The following GLYATL1 variants were observed in gnomAD, a reference collection of about 807,000 sequenced individuals.
GLYATL1 encodes the protein glycine N-acyltransferase-like protein 1.
A neutral mutation model predicts 20.0 loss-of-function variants in GLYATL1; 15 were observed. The observed-to-expected ratio is 0.75, with a 90% confidence interval of 0.50 to 1.15. GLYATL1 has a LOEUF of 1.15. Among genes scored for constraint, GLYATL1 ranks in the 50% most tolerant of loss-of-function variants. The pLI, the probability that GLYATL1 is intolerant of heterozygous loss-of-function variation, is 0.00. For missense variants in GLYATL1, 380 were observed against 368.5 expected (o/e 1.03, Z -0.26); for synonymous variants, 151 against 131.5 (o/e 1.15, Z -1.01).
chr11:58,955,754 C>A lies in GLYATL1; in HGVS notation c.636C>A (p.Gly212=), dbSNP rs149810751. 2.2e-4 allele frequency: 355 copies of A among 1,614,048 alleles called. No individual in the cohort carries two copies. Among genetic ancestry groups the A allele is most frequent in the Non-Finnish European group, 2.9e-4 (345 of 1,180,046 alleles). ...ACCTGCCAGCAGCCTGTATGCTCGG[C>A]CCAGAGGGAGTCCCGGTCTCATGGG... ...IEDLPAACML[G]PEGVPVSWVT... Residue 212 remains glycine, a synonymous_variant, in exon 7 of 7, where the codon GGC becomes GGA. Transcript: ENST00000532726.
At chr11:58,943,493 T>C in intron 1 of GLYATL1, 50 bp from the exon 2 acceptor site, 1 of 1,551,146 alleles carries the variant, frequency 6.4e-7, no homozygotes, top group South Asian at 1.2e-5. Flanking sequence ...TGTTTGTTGC[T>C]TAATGAAACT....
chr11:58,926,581 T>C (rs1400431743), upstream of GLYATL1, among the ~76,000 whole-genome samples: 1 of 152,248 alleles, frequency 6.6e-6, no homozygotes, highest in Non-Finnish European at 1.5e-5. Flanking sequence ...ACTACTGCTC[T>C]TCCATGTTTA....
intron 4 of GLYATL1, among the ~76,000 whole-genome samples, chr11:58,951,936 T>G (rs991181457): frequency 6.6e-6 from 1 of 152,164 alleles, no homozygotes; most frequent in African/African-American, 2.4e-5. Context: ...TTTCTAAATG[T>G]GTAATACTGT....
At chr11:58,936,504 G>C (rs372460274), upstream of GLYATL1, among the ~76,000 whole-genome samples, 105 of 152,282 alleles carry the variant, frequency 6.9e-4, 1 homozygote, top group Middle Eastern at 0.02. Context: ...CAGCTTTTTG[G>C]TCACAAAGGA....
chr11:58,943,297 GA>G, intron 1 of GLYATL1: 1 of 1,550,168 alleles, frequency 6.5e-7, no homozygotes, highest in Non-Finnish European at 8.7e-7. Context: ...ATAGACTGCT[GA>G]ATGTTCAAAC....
intron 4 of GLYATL1, among the ~76,000 whole-genome samples, chr11:58,953,388 CTGTT>C (rs1857137179): frequency 1.1e-5 from 1 of 90,786 alleles, no homozygotes; most frequent in African/African-American, 3.8e-5. Flanking sequence ...AGCTTACAGT[CTGTT>C]TTTTTTTTTT....
Position 58,953,941 on chromosome 11 carries a change from C to T in GLYATL1, c.187-829C>T, listed in dbSNP as rs565030495. 5.9e-5 allele frequency among the ~76,000 whole-genome samples: 9 copies of T among 152,292 alleles called. 1 individual carries two copies. The highest frequency in any genetic ancestry group is 4.6e-4 in the Admixed American group (7 of 15,286). The stretch of plus-strand genomic sequence containing the variant: ...TTTCTGTCATGCCAGAATGGGATCA[C>T]GAGTCTCTTTCTTTCAAACCCAAGA... On this transcript the variant is annotated intron_variant, in intron 4 of 6. Coordinates refer to ENST00000532726, the MANE Select transcript of GLYATL1 (RefSeq NM_001389712.2).
At chr11:58,916,627 C>G (rs1053020910) in intron 1 of GLYATL1, among the ~76,000 whole-genome samples, 2 of 152,212 alleles carry the variant, frequency 1.3e-5, no homozygotes, top group Admixed American at 1.3e-4. Flanking sequence ...TCCTGGCCCT[C>G]AAGGAATCTG....
downstream of GLYATL1, chr11:58,908,627 C>T: frequency 6.5e-6 from 1 of 154,414 alleles, no homozygotes; most frequent in East Asian, 1.9e-4. Context: ...AGATAAATTC[C>T]TAAAGAATAA....
intron 1 of GLYATL1, among the ~76,000 whole-genome samples, chr11:58,932,110 C>CAAAAAAA (rs5792141): frequency 9.8e-4 from 60 of 61,422 alleles, no homozygotes; most frequent in East Asian, 3.9e-3. Context: ...GACCCCTTCT[C>CAAAAAAA]AAAAAAAAAA....
chr11:58,947,097 C>A lies in GLYATL1; in HGVS notation c.10C>A (p.Leu4Met). 1 of 1,613,988 alleles carries A rather than the reference C, an allele frequency of 6.2e-7. No individual in the cohort carries two copies. Among genetic ancestry groups the A allele is most frequent in the Non-Finnish European group, 8.5e-7 (1 of 1,179,868 alleles). ...TGAAGCATCCCACAGAATGATCCTACTGAATAACTCCCATAAGCTGCTGGC... is the reference window on the plus strand; with the variant it reads ...TGAAGCATCCCACAGAATGATCCTAATGAATAACTCCCATAAGCTGCTGGC... MIL[L>M]NNSHKLLALY... Residue 4 changes from leucine to methionine, a missense_variant, in exon 3 of 7, where the codon CTG (leucine) becomes ATG (methionine). Transcript: ENST00000532726.
downstream of GLYATL1, among the ~76,000 whole-genome samples, chr11:58,909,595 G>A (rs995744443): frequency 1.1e-4 from 17 of 152,110 alleles, no homozygotes; most frequent in Non-Finnish European, 2.5e-4. Context: ...GTGTATCAAG[G>A]ATGAAGGAAT....
chr11:58,906,232 C>G (rs1054062508), intron 1 of GLYATL1, among the ~76,000 whole-genome samples: 2 of 152,004 alleles, frequency 1.3e-5, no homozygotes, highest in African/African-American at 4.8e-5. Context: ...GGGCCCCGCC[C>G]GTTGTGGTAA....
At chr11:58,931,527 A>G (rs1025452076) in intron 1 of GLYATL1, among the ~76,000 whole-genome samples, 1 of 152,234 alleles carries the variant, frequency 6.6e-6, no homozygotes, top group Non-Finnish European at 1.5e-5. Context: ...TCTTATCTAT[A>G]TGCAAAAAAT....
At chr11:58,947,243 C>A in intron 3 of GLYATL1, 78 bp downstream of exon 3, 1 of 1,528,116 alleles carries the variant, frequency 6.5e-7, no homozygotes, top group South Asian at 1.2e-5. Flanking sequence ...TGATTCTAGT[C>A]CTTCCTGACT....
downstream of GLYATL1, among the ~76,000 whole-genome samples, chr11:58,909,894 A>ATTT (rs1854997441): frequency 6.6e-6 from 1 of 152,122 alleles, no homozygotes; most frequent in South Asian, 2.1e-4. Context: ...AATTTCTTCA[A>ATTT]CGGCTTGTTT....
chr11:58,950,400 C>T (rs1389525450), intron 4 of GLYATL1, among the ~76,000 whole-genome samples: 1 of 152,102 alleles, frequency 6.6e-6, no homozygotes, highest in Non-Finnish European at 1.5e-5. Flanking sequence ...TGAATCAATA[C>T]AGCACTAAAG....
At chr11:58,912,428 C>G (rs1855067802), downstream of GLYATL1, among the ~76,000 whole-genome samples, 1 of 152,106 alleles carries the variant, frequency 6.6e-6, no homozygotes, top group Admixed American at 6.5e-5. Flanking sequence ...ACTGTCTTGC[C>G]CCTTTGACCA....
At chr11:58,947,493 C>A in intron 3 of GLYATL1, 1 of 459,330 alleles carries the variant, frequency 2.2e-6, no homozygotes, top group Non-Finnish European at 3.9e-6. Context: ...CTTTCCCTTT[C>A]TCTGACTTTA....
Sources: allele counts gnomAD v4.1 joint callset (sites outside exome capture counted in the v4.1 genomes callset), GRCh38; gene constraint gnomAD v4.1.1; transcripts MANE v1.5; gene names NCBI Gene and HGNC (gene_info 2026-07-23, HGNC 2026-07-21).